Variants in LPP observed in about 807,000 individuals in gnomAD.
LPP encodes lipoma-preferred partner.
Under a neutral mutation model 60.4 loss-of-function variants are expected in LPP, and 38 were observed. The observed-to-expected ratio is 0.63, with a 90% CI of 0.49 to 0.83. The LOEUF (loss-of-function observed/expected upper bound fraction) is 0.83, where lower values mean the gene tolerates loss of function less well. LPP is among the 40% of genes least tolerant of loss of function. The pLI is 0.00. For synonymous variants in LPP, 328 were observed against 290.8 expected, an observed-to-expected ratio of 1.13 and a Z score of -1.30; for missense variants, 902 against 783.6, an observed-to-expected ratio of 1.15 and a Z score of -1.80.
chr3:188,834,675 C>G (rs1489296084), intron 9 of LPP, among the ~76,000 whole-genome samples: 2 of 152,212 alleles, frequency 1.3e-5, no homozygotes, highest in African/African-American at 4.8e-5. Context: ...GTGCCTAGCA[C>G]AAGGCCTTGC....
intron 1 of LPP, among the ~76,000 whole-genome samples, chr3:188,201,363 T>A (rs1318704996): frequency 1.3e-5 from 2 of 152,168 alleles, no homozygotes; most frequent in Non-Finnish European, 2.9e-5. Context: ...TAGTCTGTGA[T>A]CCGGTGATTC....
intron 2 of LPP, among the ~76,000 whole-genome samples, chr3:188,323,066 T>C (rs12696583): frequency 2.6e-5 from 4 of 152,076 alleles, no homozygotes; most frequent in Non-Finnish European, 5.9e-5. Flanking sequence ...TGGTAAGCAA[T>C]TGCTTCTAAA....
chr3:188,485,011 C>G (rs762541610), intron 5 of LPP, among the ~76,000 whole-genome samples: 33 of 152,168 alleles, frequency 2.2e-4, no homozygotes, highest in Non-Finnish European at 3.7e-4. Flanking sequence ...GCAACATTTC[C>G]TTGTTATTTT....
chr3:188,475,961 G>T (rs1803092667), intron 4 of LPP, among the ~76,000 whole-genome samples: 1 of 151,930 alleles, frequency 6.6e-6, no homozygotes, highest in African/African-American at 2.4e-5. Flanking sequence ...TCTTCCCCCG[G>T]ATATGCCAAT....
At chr3:188,509,651 TTC>T (rs1208315528) in intron 5 of LPP, among the ~76,000 whole-genome samples, 35 of 33,480 alleles carry the variant, frequency 1.0e-3, no homozygotes, top group Admixed American at 5.4e-3. Context: ...CCTTCCTTCC[TTC>T]CTTCCTTCCT....
At chr3:188,335,894 C>T (rs773993678) in intron 2 of LPP, among the ~76,000 whole-genome samples, 17 of 152,084 alleles carry the variant, frequency 1.1e-4, no homozygotes, top group African/African-American at 3.4e-4. Context: ...AAAAGACTTC[C>T]GCTTGCAATT....
chr3:188,609,880 G>A lies in LPP; in HGVS notation c.1113+36G>A. ...CAGTAACATAAGGAGGAGAATACAG[G>A]GGTGCCTATCTTAGTCTGCCTTCCC... On this transcript the variant is annotated intron_variant, in intron 7 of 11. Transcript: ENST00000617246. This position sits in a 1 kb window ranked among gnomAD's most constrained non-coding sequence, Gnocchi z 6.9. The A allele has an allele frequency of 6.4e-6, 10 of 1,562,196 alleles. No homozygotes were observed. The highest frequency in any genetic ancestry group is 1.2e-5 in the South Asian group (1 of 82,406).
chr3:188,276,463 G>T (rs9815350), intron 2 of LPP, among the ~76,000 whole-genome samples: 6,669 of 152,200 alleles, frequency 0.044, 313 homozygotes, highest in African/African-American at 0.11. Flanking sequence ...TCTGGGGGCT[G>T]ATGCTTGGAT....
intron 8 of LPP, chr3:188,725,157 C>G (rs1717902399): frequency 6.6e-6 from 1 of 152,128 alleles, no homozygotes; most frequent in Non-Finnish European, 1.5e-5. Context: ...CACCTTGATT[C>G]TAAAGAAAAG....
At chr3:188,753,378 T>C (rs570103231) in intron 8 of LPP, among the ~76,000 whole-genome samples, 1 of 152,254 alleles carries the variant, frequency 6.6e-6, no homozygotes, top group Admixed American at 6.5e-5. Flanking sequence ...CCCTCCTAAT[T>C]TACCACCTCA....
chr3:188,370,039 T>C (rs970432298), intron 3 of LPP, among the ~76,000 whole-genome samples: 1 of 152,190 alleles, frequency 6.6e-6, no homozygotes, highest in Non-Finnish European at 1.5e-5. Flanking sequence ...AGCAGTTCTC[T>C]GCCTCAGCCT....
At chr3:188,350,601 T>C (rs772340149) in intron 3 of LPP, among the ~76,000 whole-genome samples, 2 of 152,198 alleles carry the variant, frequency 1.3e-5, no homozygotes, top group Non-Finnish European at 2.9e-5. Flanking sequence ...GAACTCTAGC[T>C]GAAATTCTAC....
At chr3:188,694,446 T>TA (rs1862771269) in intron 7 of LPP, among the ~76,000 whole-genome samples, 1 of 152,218 alleles carries the variant, frequency 6.6e-6, no homozygotes, top group South Asian at 2.1e-4. Context: ...CTCATGCCTG[T>TA]AATCCCAGCA....
intron 7 of LPP, among the ~76,000 whole-genome samples, chr3:188,613,524 G>T (rs1181743726): frequency 6.6e-6 from 1 of 152,076 alleles, no homozygotes. Flanking sequence ...GTGTAGAAGT[G>T]CTGGGGCTGT....
chr3:188,194,041 T>C (rs1157139891), intron 1 of LPP, among the ~76,000 whole-genome samples: 5 of 152,226 alleles, frequency 3.3e-5, no homozygotes, highest in African/African-American at 1.2e-4. Context: ...CTTTATGTAC[T>C]CTTCTGGTTC....
At chr3:188,529,499 A>G (rs1560525313) in intron 6 of LPP, among the ~76,000 whole-genome samples, 2 of 152,288 alleles carry the variant, frequency 1.3e-5, no homozygotes, top group South Asian at 4.1e-4. Flanking sequence ...TATATGTGGA[A>G]TGTTTATATG....
intron 7 of LPP, among the ~76,000 whole-genome samples, chr3:188,649,861 C>A (rs956582548): frequency 6.6e-6 from 1 of 152,038 alleles, no homozygotes; most frequent in Admixed American, 6.5e-5. Flanking sequence ...AACAAGGAAC[C>A]AAGGAAGCAC....
intron 8 of LPP, among the ~76,000 whole-genome samples, chr3:188,739,196 C>G (rs567095953): frequency 6.6e-6 from 1 of 152,068 alleles, no homozygotes; most frequent in African/African-American, 2.4e-5. Context: ...ATAAACAACC[C>G]TATGAAAAAA....
At position 188,428,955 on chromosome 3, in the gene LPP, C is replaced by T. The variant is rs73888479; in HGVS notation, c.193+22642C>T. Among the ~76,000 whole-genome samples, 1,329 of 152,188 alleles carry T rather than the reference C, an allele frequency of 8.7e-3. 14 individuals carry two copies. Among genetic ancestry groups the T allele is most frequent in the African/African-American group, 0.03 (1,260 of 41,528 alleles). On this transcript the variant is annotated intron_variant, in intron 4 of 11. Coordinates refer to ENST00000617246, the MANE Select transcript of LPP (RefSeq NM_001375462.1). The stretch of plus-strand genomic sequence containing the variant: ...GTCTTTATAATTGTGACTCAATCCT[C>T]ATCAGATAGGACCTTTCTGTTCTTC...
Sources: allele counts gnomAD v4.1 joint callset (sites outside exome capture counted in the v4.1 genomes callset), GRCh38; gene constraint gnomAD v4.1.1; non-coding constraint Gnocchi (gnomAD v3.1); transcripts MANE v1.5; gene names NCBI Gene and HGNC (gene_info 2026-07-23, HGNC 2026-07-21).